Variants in FAM135B observed in about 807,000 individuals in gnomAD.
FAM135B encodes the protein family with sequence similarity 135 member B.
A neutral mutation model predicts 127.7 loss-of-function variants in FAM135B; 43 were observed. The ratio of observed to expected loss-of-function variants is 0.34; its 90% CI spans 0.26 to 0.43. FAM135B has a LOEUF of 0.43. Among genes scored for constraint, FAM135B ranks in the 20% least tolerant of loss-of-function variants. FAM135B has a pLI of 1.00. For missense variants in FAM135B, 1,558 were observed against 1,725.6 expected (o/e 0.90, Z 1.72); for synonymous variants, 670 against 665.1 (o/e 1.01, Z -0.11).
chr8:138,446,057 G>A (rs890797604), intron 1 of FAM135B, among the ~76,000 whole-genome samples: 11 of 152,164 alleles, frequency 7.2e-5, no homozygotes, highest in African/African-American at 1.7e-4. Flanking sequence ...ATTCACAATC[G>A]CTTCAAAGAG....
intron 7 of FAM135B, among the ~76,000 whole-genome samples, chr8:138,215,083 A>C (rs772758350): frequency 1.3e-5 from 2 of 152,186 alleles, no homozygotes; most frequent in African/African-American, 2.4e-5. Flanking sequence ...AGATTTTTCA[A>C]AAAGTTTTAG....
intron 2 of FAM135B, among the ~76,000 whole-genome samples, chr8:138,347,778 A>G (rs1587179636): frequency 6.6e-6 from 1 of 152,122 alleles, no homozygotes; most frequent in Non-Finnish European, 1.5e-5. Flanking sequence ...AGATTCCCCA[A>G]TCTGATCTCA....
chr8:138,258,868 T>C (rs1246699252), intron 4 of FAM135B, among the ~76,000 whole-genome samples: 1 of 151,332 alleles, frequency 6.6e-6, no homozygotes, highest in Non-Finnish European at 1.5e-5. Flanking sequence ...TTATTCTGCC[T>C]TATCTCAATT....
At chr8:138,400,022 G>C (rs768235564) in intron 1 of FAM135B, among the ~76,000 whole-genome samples, 1 of 152,152 alleles carries the variant, frequency 6.6e-6, no homozygotes, top group Non-Finnish European at 1.5e-5. Context: ...ACCAGTCCCA[G>C]GCCCCCTGCA....
chr8:138,258,939 T>C (rs927554892), intron 4 of FAM135B, among the ~76,000 whole-genome samples: 6 of 152,140 alleles, frequency 3.9e-5, no homozygotes, highest in Admixed American at 2.6e-4. Context: ...TTTTGCAAAC[T>C]AGTAGAAATA....
intron 1 of FAM135B, chr8:138,437,598 T>A (rs1034124366): frequency 1.2e-4 from 18 of 152,202 alleles, no homozygotes; most frequent in African/African-American, 4.3e-4. Flanking sequence ...AATTACCCCG[T>A]CTCAGGCAGT....
intron 1 of FAM135B, among the ~76,000 whole-genome samples, chr8:138,469,052 A>AAG (rs1331903065): frequency 8.4e-6 from 1 of 118,608 alleles, no homozygotes; most frequent in Non-Finnish European, 2.0e-5. Flanking sequence ...AAGAAAGAGA[A>AAG]AGAGAGACAG....
intron 5 of FAM135B, 130 bp from the exon 6 acceptor site, chr8:138,251,144 G>T (rs1466035133): frequency 1.9e-6 from 2 of 1,057,616 alleles, no homozygotes; most frequent in African/African-American, 1.6e-5. Context: ...TCCTGCAAAT[G>T]CTCTGCCTGG....
At chr8:138,189,674 C>T (rs1051467720) in intron 9 of FAM135B, among the ~76,000 whole-genome samples, 2 of 152,200 alleles carry the variant, frequency 1.3e-5, no homozygotes, top group Admixed American at 6.5e-5. Context: ...TACCTGCTCA[C>T]CTCCTGTGAG....
chr8:138,132,403 T>G lies in FAM135B; in HGVS notation c.*190A>C. On this transcript the variant is annotated 3_prime_UTR_variant, in exon 20 of 20. Transcript: ENST00000395297. The surrounding 1 kb of genome is among the most constrained non-coding windows in gnomAD (Gnocchi z 4.5). ...CAAATTCAAGCAAAGTTTGTTGTCA[T>G]TTAGTCTATTTGCTCAGCTTTCTCG... 1 of 574,812 alleles carries G rather than the reference T, an allele frequency of 1.7e-6. No homozygotes were observed. The highest frequency in any genetic ancestry group is 3.1e-6 in the Non-Finnish European group (1 of 322,734). 35.6% of individuals were successfully genotyped at this position (574,812 alleles called of 1,614,324 possible).
intron 9 of FAM135B, among the ~76,000 whole-genome samples, chr8:138,194,888 C>A (rs1228673548): frequency 6.6e-6 from 1 of 152,192 alleles, no homozygotes; most frequent in Non-Finnish European, 1.5e-5. Flanking sequence ...AGCCTCCCTG[C>A]CATGTCTGAG....
At chr8:138,139,239 T>A (rs970240194) in intron 17 of FAM135B, 143 bp from the exon 18 acceptor site, 5 of 578,802 alleles carry the variant, frequency 8.6e-6, no homozygotes, top group Non-Finnish European at 1.5e-5. Flanking sequence ...AGCAAATAGT[T>A]GGGAAGTTAG....
intron 16 of FAM135B, among the ~76,000 whole-genome samples, chr8:138,142,285 C>CTTTTTTTTTTTTTTTTTTTTTTTTTTTTT (rs1166235927): frequency 1.0e-5 from 1 of 99,934 alleles, no homozygotes; most frequent in African/African-American, 3.7e-5. Context: ...CATTCTGCTT[C>CTTTTTTTTTTTTTTTTTTTTTTTTTTTTT]TTCTTTTTTT....
In FAM135B at chr8:138,178,811, A is replaced by G; in HGVS notation, c.874-121T>C. ...ATAAAGCACTCTCCTTTCTCTGTAC[A>G]TCTGTAGTATTATATATTACAACTC... On this transcript the variant is annotated intron_variant, in intron 9 of 19. Coordinates refer to ENST00000395297, the MANE Select transcript of FAM135B (RefSeq NM_015912.4). 1.9e-5 allele frequency: 14 copies of G among 738,790 alleles called. No homozygotes were observed. In the South Asian group the frequency reaches 2.6e-4, roughly 14 times the overall value. 45.8% of individuals were successfully genotyped at this position (738,790 alleles called of 1,614,324 possible). A position where few individuals can be genotyped will look rare whatever the true frequency, so the allele number is the denominator to read the frequency against.
At chr8:138,364,807 GT>G (rs1830639981) in intron 2 of FAM135B, among the ~76,000 whole-genome samples, 1 of 152,072 alleles carries the variant, frequency 6.6e-6, no homozygotes, top group Non-Finnish European at 1.5e-5. Context: ...AATAATCCAT[GT>G]TTTAAAAATA....
rs1269233065 is a variant in FAM135B at position 138,151,691 on chromosome 8, A to C, written c.2784T>G (p.Gly928=). Residue 928 remains glycine, a synonymous_variant, in exon 13 of 20, where the codon GGT becomes GGG. Transcript: ENST00000395297. Reference sequence around the variant, plus strand: ...ATTCAGGCACCTGATGTTGAGAGAGACCCTCAACCTCTGAGATGCCACTGT... The same window carrying C: ...ATTCAGGCACCTGATGTTGAGAGAGCCCCTCAACCTCTGAGATGCCACTGT... ...LSNSGISEVE[G]LSQHQVPELS... 3 of 1,614,024 alleles carry C rather than the reference A, an allele frequency of 1.9e-6. No homozygotes were observed. The African/African-American group carries it at 4.0e-5, about 22-fold the overall frequency.
At chr8:138,468,906 A>C (rs1223335100) in intron 1 of FAM135B, among the ~76,000 whole-genome samples, 1 of 152,090 alleles carries the variant, frequency 6.6e-6, no homozygotes, top group Non-Finnish European at 1.5e-5. Flanking sequence ...TTAGCCAGGC[A>C]TGGTGGCGCA....
At chr8:138,285,964 C>A (rs1325463740) in intron 3 of FAM135B, among the ~76,000 whole-genome samples, 2 of 152,134 alleles carry the variant, frequency 1.3e-5, no homozygotes, top group East Asian at 3.9e-4. Flanking sequence ...TGAGATACAC[C>A]AGGCACTAGA....
chr8:138,343,660 C>T (rs965813050), intron 2 of FAM135B, among the ~76,000 whole-genome samples: 5 of 152,378 alleles, frequency 3.3e-5, no homozygotes, highest in Middle Eastern at 3.4e-3. Context: ...AAGCACCCCA[C>T]GTTCTTCCTT....
Sources: allele counts gnomAD v4.1 joint callset (sites outside exome capture counted in the v4.1 genomes callset), GRCh38; gene constraint gnomAD v4.1.1; non-coding constraint Gnocchi (gnomAD v3.1); transcripts MANE v1.5; gene names NCBI Gene and HGNC (gene_info 2026-07-23, HGNC 2026-07-21).